The following FBXO25 variants were observed in gnomAD, a reference collection of about 807,000 sequenced individuals.
FBXO25 encodes F-box only protein 25.
A neutral mutation model predicts 51.9 loss-of-function variants in FBXO25; 45 were observed. The observed-to-expected ratio is 0.87, with a 90% CI of 0.68 to 1.11. FBXO25 has a LOEUF of 1.11. Among genes scored for constraint, FBXO25 ranks in the 50% most tolerant of loss-of-function variants. FBXO25 has a pLI of 0.00. For missense variants in FBXO25, 507 were observed against 428.5 expected (o/e 1.18, Z -1.62); for synonymous variants, 199 against 151.0 (o/e 1.32, Z -2.33).
chr8:418,893 A>G (rs1796980640), intron 2 of FBXO25, among the ~76,000 whole-genome samples: 1 of 152,336 alleles, frequency 6.6e-6, no homozygotes, highest in African/African-American at 2.4e-5. Context: ...CATTAATGTT[A>G]GATGGATTTT....
At chr8:420,857 A>G (rs1326740540) in intron 2 of FBXO25, among the ~76,000 whole-genome samples, 1 of 152,248 alleles carries the variant, frequency 6.6e-6, no homozygotes, top group Non-Finnish European at 1.5e-5. Flanking sequence ...TTGACTGTGC[A>G]CCTGTCAAAA....
chr8:464,450 G>A (rs374469119), intron 9 of FBXO25, among the ~76,000 whole-genome samples: 3 of 152,338 alleles, frequency 2.0e-5, no homozygotes, highest in East Asian at 3.9e-4. Context: ...TCCTCTGACT[G>A]TCCCTGGTCT....
chr8:462,680 G>C (rs1159439379), intron 8 of FBXO25, among the ~76,000 whole-genome samples: 2 of 152,172 alleles, frequency 1.3e-5, no homozygotes, highest in Non-Finnish European at 2.9e-5. Flanking sequence ...TCAGTTATAA[G>C]TGGGAGGTAA....
intron 5 of FBXO25, among the ~76,000 whole-genome samples, chr8:445,819 C>T (rs555243899): frequency 9.9e-4 from 150 of 152,264 alleles, no homozygotes; most frequent in Non-Finnish European, 1.9e-3. Context: ...TGCAGTGAGC[C>T]GAGATCGCGC....
At chr8:462,849 C>G (rs1799902314) in intron 8 of FBXO25, among the ~76,000 whole-genome samples, 158 bp from the exon 9 acceptor site, 1 of 152,094 alleles carries the variant, frequency 6.6e-6, no homozygotes, top group South Asian at 2.1e-4. Flanking sequence ...CAGCACTGTA[C>G]AATTCATCCA....
chr8:409,927 C>T (rs1796389080), intron 1 of FBXO25, among the ~76,000 whole-genome samples: 1 of 152,194 alleles, frequency 6.6e-6, no homozygotes, highest in East Asian at 1.9e-4. Context: ...TACCAGTCCT[C>T]TGATAAACTT....
intron 3 of FBXO25, among the ~76,000 whole-genome samples, chr8:432,136 C>T (rs1463897760): frequency 6.6e-6 from 1 of 152,086 alleles, no homozygotes; most frequent in Non-Finnish European, 1.5e-5. Flanking sequence ...ACTTTGGGGC[C>T]ATTATGAAGT....
chr8:416,164 G>A (rs186486432), intron 2 of FBXO25, among the ~76,000 whole-genome samples: 1 of 152,096 alleles, frequency 6.6e-6, no homozygotes, highest in Non-Finnish European at 1.5e-5. Context: ...GCTATGTGCC[G>A]GTAGGGCCCC....
At chr8:427,607 A>G (rs1318135481) in intron 2 of FBXO25, among the ~76,000 whole-genome samples, 1 of 148,542 alleles carries the variant, frequency 6.7e-6, no homozygotes, top group African/African-American at 2.5e-5. Context: ...GAGGCCAGAA[A>G]TCCAAAATCA....
chr8:428,328 T>C (rs1049456389), intron 2 of FBXO25, among the ~76,000 whole-genome samples: 2 of 152,146 alleles, frequency 1.3e-5, no homozygotes, highest in African/African-American at 4.8e-5. Context: ...CATTCAGACA[T>C]GTTTTAAGTT....
At chr8:417,818 C>T (rs747659224) in intron 2 of FBXO25, among the ~76,000 whole-genome samples, 1 of 152,220 alleles carries the variant, frequency 6.6e-6, no homozygotes, top group East Asian at 1.9e-4. Flanking sequence ...CAGGCTTCCA[C>T]TGACATCATT....
Position 472,186 on chromosome 8 carries a change from T to C in FBXO25, c.*3382T>C, listed in dbSNP as rs1047572258. 1 of 152,222 alleles carries C rather than the reference T, an allele frequency of 6.6e-6. No homozygotes were observed. The highest frequency in any genetic ancestry group is 1.5e-5 in the Non-Finnish European group (1 of 68,046). 9.4% of individuals were successfully genotyped at this position (152,222 alleles called of 1,614,324 possible). Reference sequence around the variant, plus strand: ...CTTTCAGTCTCACCATTAACTATGATGTTAACCCTGGGTTTTCCATACATA... The same window carrying C: ...CTTTCAGTCTCACCATTAACTATGACGTTAACCCTGGGTTTTCCATACATA... On this transcript the variant is annotated 3_prime_UTR_variant, in exon 10 of 10. Transcript: ENST00000350302.
In FBXO25 at chr8:413,224, G is replaced by C; in HGVS notation, c.134+11G>C. 6.3e-7 allele frequency: 1 copy of C among 1,577,022 alleles called. No individual in the cohort carries two copies. ...CATCAGTCACAGCATGTAAGTTACA[G>C]CTGAGCAGAACCATGCCATTTGCCA... On this transcript the variant is annotated intron_variant, in intron 2 of 9. Transcript: ENST00000350302.
rs558268047 is a variant in FBXO25 at position 413,266 on chromosome 8, C to G, written c.134+53C>G. 3.4e-5 allele frequency: 49 copies of G among 1,438,864 alleles called. No homozygotes were observed. In the East Asian group the frequency reaches 9.6e-4, roughly 28 times the overall value. 89.1% of individuals were successfully genotyped at this position (1,438,864 alleles called of 1,614,324 possible). ...CATTTGCCAGTTTAGCATGTATGGC[C>G]TTACCTATTTTTCAAGTCCCTGCAA... On this transcript the variant is annotated intron_variant, in intron 2 of 9. Transcript: ENST00000350302.
chr8:448,666 G>A (rs71514164), intron 5 of FBXO25, among the ~76,000 whole-genome samples: 1 of 152,240 alleles, frequency 6.6e-6, no homozygotes, highest in Admixed American at 6.5e-5. Flanking sequence ...TGACGGAGCA[G>A]AGTGTGAGTG....
At chr8:414,536 T>A (rs1482833230) in intron 2 of FBXO25, among the ~76,000 whole-genome samples, 1 of 152,230 alleles carries the variant, frequency 6.6e-6, no homozygotes, top group South Asian at 2.1e-4. Context: ...TGTGGGAATT[T>A]GTTTTTTTCC....
At chr8:426,164 C>T (rs534413229) in intron 2 of FBXO25, among the ~76,000 whole-genome samples, 2 of 152,312 alleles carry the variant, frequency 1.3e-5, no homozygotes, top group South Asian at 2.1e-4. Context: ...TGCAGCTCAC[C>T]TTTGCATCTG....
chr8:445,231 C>G (rs1485385974), intron 5 of FBXO25, among the ~76,000 whole-genome samples: 1 of 152,198 alleles, frequency 6.6e-6, no homozygotes, highest in African/African-American at 2.4e-5. Flanking sequence ...CCGTGCTAAG[C>G]TAATCCCTTG....
intron 7 of FBXO25, among the ~76,000 whole-genome samples, chr8:456,621 A>C (rs1799448776): frequency 1.3e-5 from 2 of 152,222 alleles, no homozygotes; most frequent in South Asian, 4.1e-4. Context: ...GTGTACAGAC[A>C]GGGCAGGACA....
Sources: gnomAD v4.1 joint callset for allele counts (sites outside exome capture counted in the v4.1 genomes callset) on GRCh38, gnomAD v4.1.1 for gene constraint, MANE v1.5 for transcripts, NCBI Gene and HGNC (gene_info 2026-07-23, HGNC 2026-07-21) for gene names.